STK32B: variants seen among roughly 807,000 people sequenced by gnomAD.
STK32B encodes the protein serine/threonine kinase 32B, also known as serine/threonine-protein kinase 32B.
Under a neutral mutation model 52.6 loss-of-function variants are expected in STK32B, and 43 were observed. The ratio of observed to expected loss-of-function variants is 0.82; its 90% confidence interval spans 0.64 to 1.05. The LOEUF (loss-of-function observed/expected upper bound fraction) is 1.05, where lower values mean the gene tolerates loss of function less well. Ranked by LOEUF, STK32B falls within the 50% of genes least tolerant of loss-of-function variation. The pLI, the probability that STK32B is intolerant of heterozygous loss-of-function variation, is 0.00. For missense variants in STK32B, 621 were observed against 534.6 expected, an observed-to-expected ratio of 1.16 and a Z score of -1.59; for synonymous variants, 238 against 204.3, an observed-to-expected ratio of 1.17 and a Z score of -1.41.
At position 5,295,407 on chromosome 4, in the gene STK32B, C is replaced by T. The variant is rs573866559; in HGVS notation, c.261-35813C>T. Among the ~76,000 whole-genome samples, 7 of 151,544 alleles carry T rather than the reference C, an allele frequency of 4.6e-5. No homozygotes were observed. In the South Asian group the frequency reaches 1.5e-3, roughly 31 times the overall value. ...GGCTGTGAATCTATATGGTCCTGGA[C>T]ATTTTTTGGTTGGTAGGCTATTAAT... On this transcript the variant is annotated intron_variant, in intron 3 of 11. Transcript: ENST00000282908.
chr4:5,429,771 T>C (rs1713413008), intron 6 of STK32B, among the ~76,000 whole-genome samples: 1 of 152,174 alleles, frequency 6.6e-6, no homozygotes, highest in African/African-American at 2.4e-5. Flanking sequence ...ATGAATTCTT[T>C]CTTTTTTTGG....
At chr4:5,037,204 G>A in the STK32B span, among the ~76,000 whole-genome samples, 2 of 152,262 alleles carry the variant, frequency 1.3e-5, no homozygotes, top group East Asian at 1.9e-4. Flanking sequence ...TCCTAGTCAC[G>A]ACAATCAAAA....
At chr4:5,202,492 C>T (rs1163655757) in intron 3 of STK32B, among the ~76,000 whole-genome samples, 2 of 152,232 alleles carry the variant, frequency 1.3e-5, no homozygotes, top group African/African-American at 4.8e-5. Context: ...CAGCTCCGCT[C>T]GGCAGTGCCC....
intron 4 of STK32B, among the ~76,000 whole-genome samples, chr4:5,340,742 TTAAAC>T (rs1409588886): frequency 1.3e-5 from 2 of 152,220 alleles, no homozygotes; most frequent in Non-Finnish European, 2.9e-5. Flanking sequence ...TGACACTACT[TTAAAC>T]TATATACATA....
Position 5,378,395 on chromosome 4 carries a change from C to T in STK32B, c.435-19812C>T, listed in dbSNP as rs575527942. On this transcript the variant is annotated intron_variant, in intron 4 of 11. Transcript: ENST00000282908. This position sits in a 1 kb window ranked among gnomAD's most constrained non-coding sequence, Gnocchi z 4.4. ...AGATTCTGAAGCCCTGTGCCTGGGT[C>T]GTAGCCCTGGACTTTGCATTTTATT... 1.3e-5 allele frequency among the ~76,000 whole-genome samples: 2 copies of T among 152,302 alleles called. No individual in the cohort carries two copies. The highest frequency in any genetic ancestry group is 2.1e-4 in the South Asian group (1 of 4,820).
chr4:5,379,248 C>G (rs1267831988), intron 4 of STK32B, among the ~76,000 whole-genome samples: 1 of 152,252 alleles, frequency 6.6e-6, no homozygotes, highest in East Asian at 1.9e-4. Flanking sequence ...CCCTGGCTGC[C>G]CTTCCCCACA....
At chr4:5,247,351 T>G (rs776602495) in intron 3 of STK32B, among the ~76,000 whole-genome samples, 4 of 152,066 alleles carry the variant, frequency 2.6e-5, no homozygotes, top group Non-Finnish European at 5.9e-5. Context: ...CGAGGCTCCA[T>G]AGGCGTAGGA....
In STK32B at chr4:5,486,439, A is replaced by T. The variant is rs531728059; in HGVS notation, c.1107-12506A>T. 3.9e-5 allele frequency among the ~76,000 whole-genome samples: 6 copies of T among 152,334 alleles called. No homozygotes were observed. The South Asian group carries it at 1.2e-3, about 32-fold the overall frequency. On this transcript the variant is annotated intron_variant, in intron 11 of 11. Coordinates refer to ENST00000282908, the MANE Select transcript of STK32B (RefSeq NM_018401.3). ...CGTTTGCTAAGACCGTTGTAAAAGC[A>T]GTATTAGGGTGGGAGGGACCTGATT...
chr4:5,272,932 C>CA (rs1354609111), intron 3 of STK32B, among the ~76,000 whole-genome samples: 2 of 147,082 alleles, frequency 1.4e-5, no homozygotes, highest in African/African-American at 5.1e-5. Context: ...TAGGCATGGG[C>CA]AAGGACTTCA....
chr4:5,069,393 C>G (rs948055489), intron 1 of STK32B, among the ~76,000 whole-genome samples: 1 of 152,074 alleles, frequency 6.6e-6, no homozygotes, highest in Non-Finnish European at 1.5e-5. Flanking sequence ...TACGTTCCAC[C>G]TTCCAGCCCA....
chr4:5,483,597 C>T (rs1215008915), intron 11 of STK32B, among the ~76,000 whole-genome samples: 2 of 152,098 alleles, frequency 1.3e-5, no homozygotes, highest in African/African-American at 4.8e-5. Flanking sequence ...TTCAGTTCTG[C>T]TCTGATCTTA....
At chr4:5,169,420 G>C (rs1252231295) in intron 3 of STK32B, among the ~76,000 whole-genome samples, 2 of 152,062 alleles carry the variant, frequency 1.3e-5, no homozygotes, top group Non-Finnish European at 1.5e-5. Flanking sequence ...CTTAAGAGTT[G>C]GGATGGCCAC....
intron 3 of STK32B, among the ~76,000 whole-genome samples, chr4:5,191,646 C>G (rs1230623799): frequency 6.6e-6 from 1 of 152,102 alleles, no homozygotes; most frequent in African/African-American, 2.4e-5. Context: ...AGCTGGTAGC[C>G]TAGATAGTCT....
At chr4:5,237,360 T>C (rs1053712111) in intron 3 of STK32B, among the ~76,000 whole-genome samples, 7 of 152,258 alleles carry the variant, frequency 4.6e-5, no homozygotes, top group African/African-American at 1.4e-4. Context: ...GATGCGAAAA[T>C]GCTCAGTGAA....
chr4:5,195,057 GT>G (rs1286881818), intron 3 of STK32B, among the ~76,000 whole-genome samples: 1 of 152,018 alleles, frequency 6.6e-6, no homozygotes, highest in East Asian at 1.9e-4. Flanking sequence ...AAAGTGTGTG[GT>G]TTTTTTCTTT....
chr4:5,438,417 G>T (rs1156340871), intron 6 of STK32B, among the ~76,000 whole-genome samples: 4 of 152,152 alleles, frequency 2.6e-5, no homozygotes, highest in Non-Finnish European at 5.9e-5. Context: ...TCACCGATAG[G>T]AAGAGGCAGA....
chr4:5,168,235 A>C (rs1326108851), intron 2 of STK32B, 64 bp from the exon 3 acceptor site: 5 of 1,562,256 alleles, frequency 3.2e-6, no homozygotes, highest in Admixed American at 3.5e-5. Flanking sequence ...GCGGGGTGAC[A>C]TTTCTCCTTT....
At chr4:5,049,893 A>G (rs1453119712), upstream of STK32B, among the ~76,000 whole-genome samples, 2 of 152,170 alleles carry the variant, frequency 1.3e-5, no homozygotes, top group African/African-American at 4.8e-5. Context: ...GGCCTAGCAC[A>G]ATATCAATAT....
rs868551221 is a variant in STK32B, at chr4:5,491,421, G to A, written c.1107-7524G>A. ...ATGTCCTTCACCCACTTTTTGATGG[G>A]GTTGTCTGATTTTTTCTTGTAAATT... On this transcript the variant is annotated intron_variant, in intron 11 of 11. Transcript: ENST00000282908. Among the ~76,000 whole-genome samples, 10 of 152,168 alleles carry A rather than the reference G, an allele frequency of 6.6e-5. 1 individual carries two copies. The South Asian group carries it at 1.2e-3, about 19-fold the overall frequency.
Sources: allele counts gnomAD v4.1 joint callset (sites outside exome capture counted in the v4.1 genomes callset), GRCh38; gene constraint gnomAD v4.1.1; non-coding constraint Gnocchi (gnomAD v3.1); transcripts MANE v1.5; gene names NCBI Gene and HGNC (gene_info 2026-07-23, HGNC 2026-07-21).